The following CTNNA3 variants were observed in gnomAD, a reference collection of about 807,000 sequenced individuals.
CTNNA3 encodes the protein catenin alpha 3, also known as catenin alpha-3.
CTNNA3 carries 76 observed loss-of-function variants against 95.7 expected under a neutral mutation model. That is an observed-to-expected ratio of 0.79 (90% confidence interval 0.66 to 0.96). The LOEUF (loss-of-function observed/expected upper bound fraction) is 0.96. Among genes scored for constraint, CTNNA3 ranks in the 40% least tolerant of loss-of-function variants. The pLI is 0.00. For synonymous variants in CTNNA3, 431 were observed against 374.4 expected, an observed-to-expected ratio of 1.15 and a Z score of -1.74; for missense variants, 1,191 against 1,089.8, an observed-to-expected ratio of 1.09 and a Z score of -1.31.
chr10:66,344,673 TAA>T (rs2092487791), intron 12 of CTNNA3, among the ~76,000 whole-genome samples: 1 of 152,248 alleles, frequency 6.6e-6, no homozygotes, highest in African/African-American at 2.4e-5. Flanking sequence ...CCTTATGATC[TAA>T]AGTCTTCTCT....
At chr10:67,012,436 T>A (rs931116376) in intron 7 of CTNNA3, 1 of 152,210 alleles carries the variant, frequency 6.6e-6, no homozygotes, top group Admixed American at 6.5e-5. Flanking sequence ...ATATAAATTG[T>A]TATAGCTCAC....
chr10:66,444,966 A>G (rs1364919898), intron 11 of CTNNA3, among the ~76,000 whole-genome samples: 2 of 152,018 alleles, frequency 1.3e-5, no homozygotes, highest in African/African-American at 4.8e-5. Context: ...TCAAAATAAA[A>G]GGATGGAGGA....
intron 1 of CTNNA3, among the ~76,000 whole-genome samples, chr10:67,752,628 T>A (rs1841413323): frequency 6.6e-6 from 1 of 152,092 alleles, no homozygotes; most frequent in African/African-American, 2.4e-5. Context: ...TTCAACAAAG[T>A]CTCAGGATAC....
chr10:66,752,489 A>G (rs1839186244), intron 9 of CTNNA3, among the ~76,000 whole-genome samples: 1 of 152,166 alleles, frequency 6.6e-6, no homozygotes, highest in Admixed American at 6.6e-5. Flanking sequence ...CCAGAGAAAC[A>G]TAGAAGAAAG....
At chr10:67,003,848 A>G (rs762791566) in intron 7 of CTNNA3, among the ~76,000 whole-genome samples, 4 of 152,198 alleles carry the variant, frequency 2.6e-5, no homozygotes, top group South Asian at 4.1e-4. Context: ...TGATTTTAAC[A>G]TACATTTGCA....
At chr10:66,564,378 C>T (rs1297448707) in intron 10 of CTNNA3, among the ~76,000 whole-genome samples, 1 of 152,132 alleles carries the variant, frequency 6.6e-6, no homozygotes, top group African/African-American at 2.4e-5. Flanking sequence ...ATACAGGTTT[C>T]AGCAGGGCTA....
intron 5 of CTNNA3, among the ~76,000 whole-genome samples, chr10:67,343,534 AT>A (rs1003916562): frequency 3.3e-5 from 5 of 152,030 alleles, no homozygotes; most frequent in African/African-American, 1.2e-4. Context: ...ATGGGATTCC[AT>A]TTTAATATTT....
At chr10:67,282,160 T>C (rs1839424659) in intron 5 of CTNNA3, among the ~76,000 whole-genome samples, 1 of 152,220 alleles carries the variant, frequency 6.6e-6, no homozygotes, top group Non-Finnish European at 1.5e-5. Flanking sequence ...ATACTTTCTA[T>C]TAGAAGTAAT....
chr10:66,040,117 T>C (rs143293542), intron 15 of CTNNA3, among the ~76,000 whole-genome samples: 120 of 152,242 alleles, frequency 7.9e-4, no homozygotes, highest in African/African-American at 2.8e-3. Context: ...AACACACTTA[T>C]TTAAAAAAGC....
At chr10:66,821,715 T>C (rs1332769660) in intron 7 of CTNNA3, among the ~76,000 whole-genome samples, 1 of 152,202 alleles carries the variant, frequency 6.6e-6, no homozygotes, top group Non-Finnish European at 1.5e-5. Context: ...CATGAACTTA[T>C]ACAGGGTTAA....
intron 15 of CTNNA3, among the ~76,000 whole-genome samples, chr10:66,051,454 G>A (rs2079958759): frequency 6.6e-6 from 1 of 151,934 alleles, no homozygotes; most frequent in South Asian, 2.1e-4. Flanking sequence ...AATTCCCCAG[G>A]TAATTTTAGT....
At chr10:66,116,630 A>T (rs1305726289) in intron 13 of CTNNA3, among the ~76,000 whole-genome samples, 1 of 152,226 alleles carries the variant, frequency 6.6e-6, no homozygotes, top group Non-Finnish European at 1.5e-5. Flanking sequence ...ATAAAAACAC[A>T]TACTGTATGT....
In CTNNA3 at chr10:66,024,046, G is replaced by A. The variant is rs912523932; in HGVS notation, c.2160-35249C>T. ...TTGGTTTAGTGTGAGTCAAAAGTAT[G>A]TAGCTCCTCTAGTTATCACAGAAAC... On this transcript the variant is annotated intron_variant, in intron 15 of 17. Coordinates refer to ENST00000433211, the MANE Select transcript of CTNNA3 (RefSeq NM_013266.4). 8.3e-5 allele frequency among the ~76,000 whole-genome samples: 12 copies of A among 144,804 alleles called. No homozygotes were observed. The South Asian group carries it at 2.6e-3, about 32-fold the overall frequency. The allele number at this position is 144,804 out of a possible 152,430, so 95.0% of individuals were successfully genotyped here.
At chr10:66,560,080 G>A (rs552866304) in intron 10 of CTNNA3, among the ~76,000 whole-genome samples, 1 of 152,136 alleles carries the variant, frequency 6.6e-6, no homozygotes, top group Admixed American at 6.5e-5. Flanking sequence ...AGAGAAAAAA[G>A]CCATAATATG....
At chr10:65,974,734 T>C (rs1419377995) in intron 16 of CTNNA3, among the ~76,000 whole-genome samples, 1 of 151,356 alleles carries the variant, frequency 6.6e-6, no homozygotes, top group Non-Finnish European at 1.5e-5. Context: ...TTGAAATTAT[T>C]TTTTAGATGC....
chr10:66,237,890 C>A (rs562714729), intron 13 of CTNNA3, among the ~76,000 whole-genome samples: 1 of 151,894 alleles, frequency 6.6e-6, no homozygotes, highest in Admixed American at 6.6e-5. Context: ...AGTTATTTTC[C>A]CAAATTCTTG....
chr10:66,844,706 T>C (rs2132357620), intron 7 of CTNNA3, among the ~76,000 whole-genome samples: 1 of 152,306 alleles, frequency 6.6e-6, no homozygotes, highest in East Asian at 1.9e-4. Context: ...ATTTTCATGC[T>C]GTTTCTTTTC....
intron 7 of CTNNA3, among the ~76,000 whole-genome samples, chr10:66,991,022 G>A (rs971599543): frequency 3.3e-5 from 5 of 152,144 alleles, no homozygotes; most frequent in African/African-American, 1.2e-4. Flanking sequence ...TGCTAATGAT[G>A]GAAATGTATT....
intron 10 of CTNNA3, among the ~76,000 whole-genome samples, chr10:66,609,518 C>T (rs902118061): frequency 1.3e-5 from 2 of 151,560 alleles, no homozygotes; most frequent in Non-Finnish European, 2.9e-5. Flanking sequence ...CATCACCTAT[C>T]ATTAGAGAAA....
Sources: gnomAD v4.1 joint callset for allele counts (sites outside exome capture counted in the v4.1 genomes callset) on GRCh38, gnomAD v4.1.1 for gene constraint, MANE v1.5 for transcripts, NCBI Gene and HGNC (gene_info 2026-07-23, HGNC 2026-07-21) for gene names.